Variants in KCNIP4 observed in about 807,000 individuals in gnomAD.
The protein encoded by KCNIP4 is potassium voltage-gated channel interacting protein 4.
A neutral mutation model predicts 34.0 loss-of-function variants in KCNIP4; 12 were observed. That is an observed-to-expected ratio of 0.35 (90% CI 0.23 to 0.57). KCNIP4 has a LOEUF of 0.57. Ranked by LOEUF, KCNIP4 falls within the 20% of genes least tolerant of loss-of-function variation. The pLI is 0.83. For missense variants in KCNIP4, 238 were observed against 311.7 expected, an observed-to-expected ratio of 0.76 and a Z score of 1.78; for synonymous variants, 124 against 102.2, an observed-to-expected ratio of 1.21 and a Z score of -1.29.
At chr4:21,746,195 C>T (rs1716765917) in intron 1 of KCNIP4, among the ~76,000 whole-genome samples, 1 of 152,058 alleles carries the variant, frequency 6.6e-6, no homozygotes, top group South Asian at 2.1e-4. Flanking sequence ...ATCTTAATTA[C>T]TTACTTAAAG....
chr4:21,934,891 G>T (rs749749182), intron 1 of KCNIP4, among the ~76,000 whole-genome samples: 12 of 152,214 alleles, frequency 7.9e-5, no homozygotes, highest in East Asian at 1.9e-4. Flanking sequence ...TTGCTTGAGT[G>T]TCCCTCTTAC....
intron 1 of KCNIP4, among the ~76,000 whole-genome samples, chr4:21,246,910 A>G (rs1056278211): frequency 7.2e-5 from 11 of 152,228 alleles, no homozygotes; most frequent in African/African-American, 2.7e-4. Context: ...AAATGCAATT[A>G]TGAAAATATA....
At chr4:21,774,608 C>T (rs1014290108) in intron 1 of KCNIP4, among the ~76,000 whole-genome samples, 2 of 152,164 alleles carry the variant, frequency 1.3e-5, no homozygotes, top group Non-Finnish European at 2.9e-5. Flanking sequence ...TACAAAGTCC[C>T]AAAATTCTTG....
chr4:21,131,291 A>G (rs915911490), intron 1 of KCNIP4, among the ~76,000 whole-genome samples: 2 of 152,238 alleles, frequency 1.3e-5, no homozygotes, highest in African/African-American at 4.8e-5. Flanking sequence ...TATGGAGCCA[A>G]TCGCAAAAAA....
At chr4:20,996,790 G>A (rs1198999566) in intron 1 of KCNIP4, among the ~76,000 whole-genome samples, 2 of 151,800 alleles carry the variant, frequency 1.3e-5, no homozygotes, top group Admixed American at 6.6e-5. Context: ...CTCTTAGCAC[G>A]TTCATTTCCT....
intron 1 of KCNIP4, among the ~76,000 whole-genome samples, chr4:21,910,359 G>T (rs544467596): frequency 2.0e-5 from 3 of 152,166 alleles, no homozygotes; most frequent in African/African-American, 7.2e-5. Flanking sequence ...ACATACGAAA[G>T]TATTTTATTC....
intron 1 of KCNIP4, among the ~76,000 whole-genome samples, chr4:21,111,352 C>T (rs145795500): frequency 5.3e-5 from 8 of 152,304 alleles, no homozygotes; most frequent in African/African-American, 1.9e-4. Context: ...TTACCCTTAT[C>T]CTCAGACATG....
chr4:21,789,684 C>T lies in KCNIP4; in HGVS notation c.61+158887G>A, dbSNP rs143470105. Among the ~76,000 whole-genome samples, 71 of 152,246 alleles carry T rather than the reference C, an allele frequency of 4.7e-4. 1 individual carries two copies. The East Asian group carries it at 0.011, about 24-fold the overall frequency. On this transcript the variant is annotated intron_variant, in intron 1 of 8. Coordinates refer to ENST00000382152, the MANE Select transcript of KCNIP4 (RefSeq NM_025221.6). ...ACATTCAAAGTTTCTTATATCGTTTCCTAAAACAGCATAAACAAAAGATTT... is the reference window on the plus strand; with the variant it reads ...ACATTCAAAGTTTCTTATATCGTTTTCTAAAACAGCATAAACAAAAGATTT...
intron 1 of KCNIP4, among the ~76,000 whole-genome samples, chr4:20,897,360 C>T (rs1325880397): frequency 6.6e-6 from 1 of 152,078 alleles, no homozygotes; most frequent in Non-Finnish European, 1.5e-5. Context: ...CCCTTACCTC[C>T]TTCAGGTCTT....
At chr4:21,147,713 TG>T (rs1376470345) in intron 1 of KCNIP4, among the ~76,000 whole-genome samples, 2 of 151,708 alleles carry the variant, frequency 1.3e-5, no homozygotes, top group Non-Finnish European at 2.9e-5. Flanking sequence ...CCAAGGTGGG[TG>T]GATCTCTTTA....
At chr4:21,170,612 T>C (rs1259116218) in intron 1 of KCNIP4, among the ~76,000 whole-genome samples, 1 of 152,156 alleles carries the variant, frequency 6.6e-6, no homozygotes, top group East Asian at 1.9e-4. Flanking sequence ...AAATGTAGCA[T>C]AGAATTATAG....
intron 1 of KCNIP4, among the ~76,000 whole-genome samples, chr4:21,132,465 A>T (rs1356122813): frequency 6.6e-6 from 1 of 152,204 alleles, no homozygotes; most frequent in Non-Finnish European, 1.5e-5. Flanking sequence ...GTATTTGATG[A>T]CATTCTCAGT....
chr4:20,845,996 G>A lies in KCNIP4; in HGVS notation c.288+4547C>T, dbSNP rs116262608. Among the ~76,000 whole-genome samples, 248 of 152,204 alleles carry A rather than the reference G, an allele frequency of 1.6e-3. 1 individual carries two copies. The highest frequency in any genetic ancestry group is 2.7e-3 in the Non-Finnish European group (186 of 68,018). ...TTGGGACAGTATATTATGAATGAAT[G>A]TTTTCTAAATCCATTTAGTATTTGG... On this transcript the variant is annotated intron_variant, in intron 3 of 8. Coordinates refer to ENST00000382152, the MANE Select transcript of KCNIP4 (RefSeq NM_025221.6).
At chr4:21,819,550 T>A (rs1560737880) in intron 1 of KCNIP4, among the ~76,000 whole-genome samples, 2 of 152,170 alleles carry the variant, frequency 1.3e-5, no homozygotes. Context: ...TTCCCACTAT[T>A]TACCCAGCAT....
chr4:20,734,782 C>T, intron 5 of KCNIP4, 47 bp from the exon 6 acceptor site: 1 of 1,153,712 alleles, frequency 8.7e-7, no homozygotes, highest in Non-Finnish European at 1.2e-6. Context: ...TTTAAAAAAA[C>T]AAAAACAAAA....
chr4:21,891,101 T>C (rs1727066325), intron 1 of KCNIP4, among the ~76,000 whole-genome samples: 1 of 152,088 alleles, frequency 6.6e-6, no homozygotes, highest in Non-Finnish European at 1.5e-5. Flanking sequence ...ATGTTCCTCA[T>C]ATATAAGGAA....
intron 1 of KCNIP4, among the ~76,000 whole-genome samples, chr4:21,485,952 T>A (rs1389352877): frequency 6.8e-6 from 1 of 146,964 alleles, no homozygotes; most frequent in Non-Finnish European, 1.5e-5. Context: ...AGTTCACTGC[T>A]GCTTCCCACA....
At chr4:20,846,301 A>C (rs1009203872) in intron 3 of KCNIP4, among the ~76,000 whole-genome samples, 1 of 152,200 alleles carries the variant, frequency 6.6e-6, no homozygotes, top group African/African-American at 2.4e-5. Context: ...TGGGAAGACT[A>C]GGTTATATAT....
chr4:21,305,687 C>T (rs545872763), intron 1 of KCNIP4, among the ~76,000 whole-genome samples: 1 of 152,328 alleles, frequency 6.6e-6, no homozygotes, highest in African/African-American at 2.4e-5. Flanking sequence ...GGTCTTACTC[C>T]TGTCGATACA....
Sources: gnomAD v4.1 joint callset for allele counts (sites outside exome capture counted in the v4.1 genomes callset) on GRCh38, gnomAD v4.1.1 for gene constraint, MANE v1.5 for transcripts, NCBI Gene and HGNC (gene_info 2026-07-23, HGNC 2026-07-21) for gene names.